The following CSMD3 variants were observed in gnomAD, a reference collection of about 807,000 sequenced individuals.
CSMD3 encodes CUB and sushi domain-containing protein 3.
CSMD3 carries 177 observed loss-of-function variants against 435.2 expected under a neutral mutation model. The ratio of observed to expected loss-of-function variants is 0.41; its 90% confidence interval spans 0.36 to 0.46. The LOEUF (loss-of-function observed/expected upper bound fraction) is 0.46. CSMD3 is among the 20% of genes least tolerant of loss of function. The pLI, the probability that CSMD3 is intolerant of heterozygous loss-of-function variation, is 0.34. For synonymous variants in CSMD3, 1,656 were observed against 1,520.5 expected (o/e 1.09, Z -2.07); for missense variants, 4,265 against 4,504.6 (o/e 0.95, Z 1.52).
chr8:112,291,671 A>C lies in CSMD3; in HGVS notation c.8813T>G (p.Ile2938Ser), dbSNP rs1295808497. ...ACTTTCTCTTTTAGAATTGGCTGGA[A>C]TTCCAGGATCAGAACAGTTGACCAC... Reference protein sequence around the residue: ...CKVVNCSDPGIPANSKRESKI... With the variant: ...CKVVNCSDPGSPANSKRESKI... The change falls in exon 56 of 71, where the codon ATT (isoleucine) becomes AGT (serine). Residue 2938 changes from isoleucine to serine, a missense_variant. By Grantham distance (142) the Ile-to-Ser change is moderately radical (BLOSUM62 -2). Transcript: ENST00000297405. 6.2e-7 allele frequency: 1 copy of C among 1,612,532 alleles called. No individual in the cohort carries two copies. The highest frequency in any genetic ancestry group is 8.5e-7 in the Non-Finnish European group (1 of 1,178,864).
rs1457363312 is a variant in CSMD3 at position 112,224,685 on chromosome 8, T to C, written c.*86A>G. ...GTGACCCAGCAAGTCCTGAAAAGTG[T>C]GCTTTAATTTGTTTAGCAGTGAACT... On this transcript the variant is annotated 3_prime_UTR_variant, in exon 71 of 71. Coordinates refer to ENST00000297405, the MANE Select transcript of CSMD3 (RefSeq NM_198123.2). 7.4e-7 allele frequency: 1 copy of C among 1,357,674 alleles called. No homozygotes were observed. Among genetic ancestry groups the C allele is most frequent in the Admixed American group, 1.7e-5 (1 of 59,668 alleles). The allele number at this position is 1,357,674 out of a possible 1,614,324, so 84.1% of individuals were successfully genotyped here.
intron 27 of CSMD3, among the ~76,000 whole-genome samples, chr8:112,526,239 T>C (rs1824945308): frequency 1.3e-5 from 2 of 152,022 alleles, no homozygotes; most frequent in Admixed American, 1.3e-4. Context: ...ATTTTCAAAA[T>C]CATTCAATAT....
chr8:112,886,831 T>G (rs993917708), intron 10 of CSMD3, among the ~76,000 whole-genome samples: 2 of 151,674 alleles, frequency 1.3e-5, no homozygotes, highest in East Asian at 2.0e-4. Flanking sequence ...AATACTTATA[T>G]AATGACTGAT....
At position 112,978,872 on chromosome 8, in the gene CSMD3, G is replaced by A. The variant is rs2084946610; in HGVS notation, c.1031-2724C>T. ...GCCTAGCACATAGTAGATGCTCCAGGAACATTCATCAGAAGAAATAATAAA... is the reference window on the plus strand; with the variant it reads ...GCCTAGCACATAGTAGATGCTCCAGAAACATTCATCAGAAGAAATAATAAA... On this transcript the variant is annotated intron_variant, in intron 6 of 70. Coordinates refer to ENST00000297405, the MANE Select transcript of CSMD3 (RefSeq NM_198123.2). 1.3e-5 allele frequency among the ~76,000 whole-genome samples: 2 copies of A among 151,656 alleles called. 1 individual carries two copies. The highest frequency in any genetic ancestry group is 4.1e-4 in the South Asian group (2 of 4,826).
intron 10 of CSMD3, among the ~76,000 whole-genome samples, chr8:112,871,642 C>T (rs578103761): frequency 6.6e-6 from 1 of 151,986 alleles, no homozygotes; most frequent in Non-Finnish European, 1.5e-5. Flanking sequence ...TTATTTCACA[C>T]ACACAGAAAA....
At chr8:112,789,604 T>C (rs2078636600) in intron 13 of CSMD3, among the ~76,000 whole-genome samples, 2 of 142,432 alleles carry the variant, frequency 1.4e-5, no homozygotes, top group African/African-American at 4.9e-5. Context: ...GCTTATATTA[T>C]GTTAGTATAT....
intron 10 of CSMD3, among the ~76,000 whole-genome samples, chr8:112,871,263 A>G (rs1564049100): frequency 6.6e-6 from 1 of 152,194 alleles, no homozygotes; most frequent in East Asian, 1.9e-4. Context: ...ATAGTAAATA[A>G]TTTTTCAGAA....
intron 1 of CSMD3, among the ~76,000 whole-genome samples, chr8:113,344,118 C>T (rs1224460329): frequency 1.3e-5 from 2 of 152,036 alleles, no homozygotes; most frequent in African/African-American, 2.4e-5. Flanking sequence ...AACATTTCCA[C>T]TGACTAAAGA....
At chr8:113,096,353 A>AT (rs2090162177) in intron 5 of CSMD3, among the ~76,000 whole-genome samples, 2 of 152,166 alleles carry the variant, frequency 1.3e-5, no homozygotes, top group African/African-American at 4.8e-5. Context: ...TATTAGAGAT[A>AT]TTCTTTAGAG....
intron 3 of CSMD3, among the ~76,000 whole-genome samples, chr8:113,271,790 T>C (rs542426338): frequency 1.4e-4 from 21 of 152,036 alleles, no homozygotes; most frequent in Non-Finnish European, 2.6e-4. Flanking sequence ...GATCCACCTA[T>C]AACTTGTACC....
intron 29 of CSMD3, among the ~76,000 whole-genome samples, chr8:112,504,341 T>C (rs745921431): frequency 2.0e-5 from 3 of 152,242 alleles, no homozygotes; most frequent in Non-Finnish European, 4.4e-5. Context: ...CATATTCTTA[T>C]GCAAGTTACT....
At chr8:112,241,620 T>C in intron 66 of CSMD3, 100 bp downstream of exon 66, 1 of 794,708 alleles carries the variant, frequency 1.3e-6, no homozygotes, top group Non-Finnish European at 2.2e-6. Context: ...TAGTTTTTTA[T>C]ACTTAAATAT....
rs56964306 is a variant in CSMD3, at chr8:113,241,064, C to T, written c.514+37528G>A. 2.9e-3 allele frequency among the ~76,000 whole-genome samples: 442 copies of T among 152,096 alleles called. 2 individuals are homozygous for T. The highest frequency in any genetic ancestry group is 9.8e-3 in the African/African-American group (407 of 41,530). On this transcript the variant is annotated intron_variant, in intron 3 of 70. Coordinates refer to ENST00000297405, the MANE Select transcript of CSMD3 (RefSeq NM_198123.2). Reference sequence around the variant, plus strand: ...AGCTGATATTGTTTTGCTTTTTTTGCCACTTATTCCCACTTTTCTCTTTTC... The same window carrying T: ...AGCTGATATTGTTTTGCTTTTTTTGTCACTTATTCCCACTTTTCTCTTTTC...
At chr8:112,367,287 T>A (rs1827872463) in intron 38 of CSMD3, among the ~76,000 whole-genome samples, 2 of 152,142 alleles carry the variant, frequency 1.3e-5, no homozygotes, top group Non-Finnish European at 2.9e-5. Context: ...AATTAGGAAA[T>A]ACTTTTGGTT....
At chr8:112,735,219 A>C (rs2077161098) in intron 13 of CSMD3, among the ~76,000 whole-genome samples, 2 of 152,028 alleles carry the variant, frequency 1.3e-5, no homozygotes, top group Admixed American at 6.6e-5. Flanking sequence ...GTATGAGCTG[A>C]AGTTGGTTAT....
At chr8:113,213,799 A>C (rs2092868402) in intron 3 of CSMD3, among the ~76,000 whole-genome samples, 1 of 152,106 alleles carries the variant, frequency 6.6e-6, no homozygotes, top group African/African-American at 2.4e-5. Context: ...CTATTTTATT[A>C]ATTCCCTTCA....
chr8:113,009,319 A>G (rs1462640802), intron 6 of CSMD3, among the ~76,000 whole-genome samples: 1 of 151,862 alleles, frequency 6.6e-6, no homozygotes, highest in African/African-American at 2.4e-5. Context: ...GGACCTAGAA[A>G]GAACTCACAG....
chr8:112,373,804 G>A (rs537617875), intron 38 of CSMD3, among the ~76,000 whole-genome samples: 5 of 152,208 alleles, frequency 3.3e-5, no homozygotes, highest in African/African-American at 1.2e-4. Flanking sequence ...GAATCGATGT[G>A]GTGCTTGGGT....
intron 62 of CSMD3, among the ~76,000 whole-genome samples, chr8:112,254,685 G>A (rs1815617839): frequency 6.6e-6 from 1 of 152,174 alleles, no homozygotes; most frequent in East Asian, 1.9e-4. Flanking sequence ...ATGATTTGGG[G>A]TAGGGTAATA....
Sources: gnomAD v4.1 joint callset for allele counts (sites outside exome capture counted in the v4.1 genomes callset) on GRCh38, gnomAD v4.1.1 for gene constraint, MANE v1.5 for transcripts, NCBI Gene and HGNC (gene_info 2026-07-23, HGNC 2026-07-21) for gene names.